Variants in CAMK1D observed in about 807,000 individuals in gnomAD.
CAMK1D encodes the protein calcium/calmodulin-dependent protein kinase type 1D.
A neutral mutation model predicts 47.7 loss-of-function variants in CAMK1D; 9 were observed. The ratio of observed to expected loss-of-function variants is 0.19; its 90% CI spans 0.11 to 0.33. CAMK1D has a LOEUF of 0.33. CAMK1D is among the 10% of genes least tolerant of loss of function. The pLI, the probability that CAMK1D is intolerant of heterozygous loss-of-function variation, is 1.00. For missense variants in CAMK1D, 291 were observed against 488.7 expected (o/e 0.60, Z 3.81); for synonymous variants, 184 against 184.9 (o/e 0.99, Z 0.04).
intron 3 of CAMK1D, among the ~76,000 whole-genome samples, chr10:12,677,588 C>T (rs1840855050): frequency 6.6e-6 from 1 of 152,054 alleles, no homozygotes; most frequent in African/African-American, 2.4e-5. Flanking sequence ...GATTAAGAGT[C>T]AGCCAGATGG....
At chr10:12,773,406 C>T (rs971865166) in intron 5 of CAMK1D, among the ~76,000 whole-genome samples, 2 of 152,166 alleles carry the variant, frequency 1.3e-5, no homozygotes, top group South Asian at 4.1e-4. Flanking sequence ...ATAACCTAGG[C>T]GTGGCCTCTG....
chr10:12,622,964 GT>G (rs1466448589), intron 2 of CAMK1D, among the ~76,000 whole-genome samples: 2 of 151,620 alleles, frequency 1.3e-5, no homozygotes, highest in East Asian at 3.9e-4. Flanking sequence ...GGAGCCCAAG[GT>G]GGGAGTCACT....
chr10:12,694,688 TA>T (rs1833188614), intron 3 of CAMK1D, among the ~76,000 whole-genome samples: 3 of 149,766 alleles, frequency 2.0e-5, no homozygotes, highest in African/African-American at 7.3e-5. Flanking sequence ...GAAAGACTCC[TA>T]AACTGCCATA....
chr10:12,373,003 A>G (rs1029006523), intron 1 of CAMK1D, among the ~76,000 whole-genome samples: 3 of 152,182 alleles, frequency 2.0e-5, no homozygotes, highest in African/African-American at 7.2e-5. Context: ...TTTTCTGGTA[A>G]AGCTTAAATG....
At chr10:12,600,822 G>C (rs184195809) in intron 2 of CAMK1D, among the ~76,000 whole-genome samples, 253 of 152,266 alleles carry the variant, frequency 1.7e-3, no homozygotes, top group Non-Finnish European at 2.9e-3. Flanking sequence ...ACTCCATTCT[G>C]TATGTTCACA....
chr10:12,459,057 T>G (rs1833346233), intron 1 of CAMK1D, among the ~76,000 whole-genome samples: 2 of 152,056 alleles, frequency 1.3e-5, no homozygotes. Context: ...TTTTGTATTT[T>G]TAGTAGAGAC....
chr10:12,404,131 C>T (rs369086398), intron 1 of CAMK1D, among the ~76,000 whole-genome samples: 14 of 152,116 alleles, frequency 9.2e-5, no homozygotes, highest in African/African-American at 2.9e-4. Context: ...CCGCAACCTC[C>T]GCCTCCCAGG....
chr10:12,768,033 C>T (rs571257393), intron 4 of CAMK1D, among the ~76,000 whole-genome samples: 34 of 152,156 alleles, frequency 2.2e-4, no homozygotes, highest in Non-Finnish European at 5.9e-5. Flanking sequence ...CCACCACGCC[C>T]GGCTAATTTT....
chr10:12,636,093 A>G (rs139308745), intron 2 of CAMK1D, among the ~76,000 whole-genome samples: 1 of 152,340 alleles, frequency 6.6e-6, no homozygotes, highest in Non-Finnish European at 1.5e-5. Context: ...TTAAGTATCC[A>G]GTTCAGTGGC....
chr10:12,481,632 C>G (rs1219950709), intron 1 of CAMK1D, among the ~76,000 whole-genome samples: 3 of 152,152 alleles, frequency 2.0e-5, no homozygotes, highest in Non-Finnish European at 4.4e-5. Flanking sequence ...GCCTCAGCCT[C>G]CTGAGCAGCC....
intron 1 of CAMK1D, among the ~76,000 whole-genome samples, chr10:12,467,387 A>T (rs1204925756): frequency 6.6e-6 from 1 of 152,064 alleles, no homozygotes; most frequent in East Asian, 1.9e-4. Context: ...CGCTGGCCTC[A>T]AGTGATCCAC....
intron 3 of CAMK1D, among the ~76,000 whole-genome samples, chr10:12,759,096 C>G (rs1025422574): frequency 6.6e-6 from 1 of 152,196 alleles, no homozygotes; most frequent in Non-Finnish European, 1.5e-5. Context: ...CGCCTGTAAT[C>G]CCAGCACTTT....
At chr10:12,706,133 C>CG (rs1833719181) in intron 3 of CAMK1D, among the ~76,000 whole-genome samples, 1 of 152,092 alleles carries the variant, frequency 6.6e-6, no homozygotes, top group Non-Finnish European at 1.5e-5. Flanking sequence ...TTCTAAGTGA[C>CG]TAACTGGCAG....
rs73585304 is a variant in CAMK1D at position 12,563,638 on chromosome 10, G to C, written c.224+10282G>C. 2.5e-3 allele frequency among the ~76,000 whole-genome samples: 370 copies of C among 149,460 alleles called. 1 individual carries two copies. Among genetic ancestry groups the C allele is most frequent in the African/African-American group, 8.9e-3 (360 of 40,424 alleles). ...GATGGCAGGTTCCTCAACCAATATG[G>C]GGCATTCCAGAAGAGGCGGAAGGTT... On this transcript the variant is annotated intron_variant, in intron 2 of 10. Coordinates refer to ENST00000619168, the MANE Select transcript of CAMK1D (RefSeq NM_153498.4).
chr10:12,407,639 G>T (rs553263152), intron 1 of CAMK1D, among the ~76,000 whole-genome samples: 1 of 152,310 alleles, frequency 6.6e-6, no homozygotes, highest in South Asian at 2.1e-4. Context: ...TGGAGAAAGA[G>T]CTGGTTGAGC....
At chr10:12,719,844 T>C (rs1007498686) in intron 3 of CAMK1D, among the ~76,000 whole-genome samples, 2 of 152,160 alleles carry the variant, frequency 1.3e-5, no homozygotes, top group South Asian at 4.1e-4. Context: ...GCTCATCGCA[T>C]CCCAGCCTTT....
intron 3 of CAMK1D, among the ~76,000 whole-genome samples, chr10:12,754,738 C>T (rs1261834239): frequency 6.6e-6 from 1 of 152,188 alleles, no homozygotes; most frequent in Non-Finnish European, 1.5e-5. Flanking sequence ...TGTCTTCTTG[C>T]TGAGTCCTTA....
At chr10:12,698,539 A>G (rs1276005240) in intron 3 of CAMK1D, among the ~76,000 whole-genome samples, 1 of 152,184 alleles carries the variant, frequency 6.6e-6, no homozygotes, top group Non-Finnish European at 1.5e-5. Context: ...ATCTCCATCA[A>G]GGTCGGGAGA....
chr10:12,813,552 C>T lies in CAMK1D; in HGVS notation c.642-643C>T, dbSNP rs140841786. ...AAGGCTGTCTGTTAGGTTTTTAGGG[C>T]GTGTGGGATTCTGTGGTTAATTCTG... is the stretch of plus-strand genomic sequence containing the variant. On this transcript the variant is annotated intron_variant, in intron 6 of 10. Coordinates refer to ENST00000619168, the MANE Select transcript of CAMK1D (RefSeq NM_153498.4). Among the ~76,000 whole-genome samples the T allele has an allele frequency of 2.3e-3, 343 of 152,084 alleles. 4 individuals are homozygous for T. The highest frequency in any genetic ancestry group is 0.02 in the Admixed American group (307 of 15,264).
Sources: gnomAD v4.1 joint callset for allele counts (sites outside exome capture counted in the v4.1 genomes callset) on GRCh38, gnomAD v4.1.1 for gene constraint, MANE v1.5 for transcripts, NCBI Gene and HGNC (gene_info 2026-07-23, HGNC 2026-07-21) for gene names.